Variants in DNA2 observed in about 807,000 individuals in gnomAD.
DNA2 encodes DNA replication ATP-dependent helicase/nuclease DNA2.
DNA2 carries 101 observed loss-of-function variants against 119.1 expected under a neutral mutation model. That is an observed-to-expected ratio of 0.85 (90% CI 0.72 to 1.00). The LOEUF is 1.00. Among genes scored for constraint, DNA2 ranks in the 50% least tolerant of loss-of-function variants. The pLI, the probability that DNA2 is intolerant of heterozygous loss-of-function variation, is 0.00. For synonymous variants in DNA2, 366 were observed against 424.4 expected, an observed-to-expected ratio of 0.86 and a Z score of 1.69; for missense variants, 1,121 against 1,255.5, an observed-to-expected ratio of 0.89 and a Z score of 1.62.
chr10:68,452,692 C>T (rs1406604567), intron 5 of DNA2, among the ~76,000 whole-genome samples: 2 of 151,370 alleles, frequency 1.3e-5, no homozygotes, highest in Non-Finnish European at 2.9e-5. Flanking sequence ...CCGCCTCAGC[C>T]TTTCAAGTAG....
At chr10:68,451,677 G>C (rs2052120116) in intron 5 of DNA2, among the ~76,000 whole-genome samples, 1 of 151,854 alleles carries the variant, frequency 6.6e-6, no homozygotes, top group Non-Finnish European at 1.5e-5. Flanking sequence ...CTAGTGGTTA[G>C]AATAGATTAT....
At chr10:68,434,480 C>T (rs1212146167) in intron 10 of DNA2, among the ~76,000 whole-genome samples, 1 of 148,870 alleles carries the variant, frequency 6.7e-6, no homozygotes, top group Non-Finnish European at 1.5e-5. Flanking sequence ...AGACCCCCCC[C>T]ATCTCTACAA....
rs778996759 is a variant in DNA2 at position 68,416,778 on chromosome 10, C to T, written c.3045G>A (p.Gly1015=). ...TRAKHKLILL[G]CVPSLNCYPP... Reference sequence around the variant, plus strand: ...GATAGCAATTTAGTGAGGGCACACACCCCAGAAGAATCAGTTTATGTTTGG... The same window carrying T: ...GATAGCAATTTAGTGAGGGCACACATCCCAGAAGAATCAGTTTATGTTTGG... The change falls in exon 20 of 21, where the codon GGG becomes GGA. Residue 1015 remains glycine (G), a synonymous_variant. Coordinates refer to ENST00000358410, the MANE Select transcript of DNA2 (RefSeq NM_001080449.3). 1.2e-6 allele frequency: 2 copies of T among 1,613,840 alleles called. No individual in the cohort carries two copies. Among genetic ancestry groups the T allele is most frequent in the Non-Finnish European group, 8.5e-7 (1 of 1,179,764 alleles).
At chr10:68,440,096 G>C (rs531357106) in intron 9 of DNA2, among the ~76,000 whole-genome samples, 36 of 151,990 alleles carry the variant, frequency 2.4e-4, no homozygotes, top group Non-Finnish European at 4.1e-4. Context: ...TTGAGGCCAG[G>C]AGTTCCAGAC....
rs114567011 is a variant in DNA2, at chr10:68,421,482, C to T, written c.2697+743G>A. Among the ~76,000 whole-genome samples the T allele has an allele frequency of 7.4e-3, 1,127 of 152,104 alleles. 15 individuals carry two copies. The highest frequency in any genetic ancestry group is 0.026 in the African/African-American group (1,085 of 41,502). ...AAGAAAGACTATTTTGGGCCGGGCA[C>T]AGTGGCTCACACTATAATCCCAGCA... On this transcript the variant is annotated intron_variant, in intron 17 of 20. Transcript: ENST00000358410.
At chr10:68,462,293 C>T (rs970709103) in intron 4 of DNA2, among the ~76,000 whole-genome samples, 7 of 151,960 alleles carry the variant, frequency 4.6e-5, no homozygotes, top group African/African-American at 1.7e-4. Flanking sequence ...AATTGATTGA[C>T]CCAGGAGGTG....
At chr10:68,463,210 C>T (rs954256806) in intron 4 of DNA2, among the ~76,000 whole-genome samples, 1 of 151,664 alleles carries the variant, frequency 6.6e-6, no homozygotes, top group African/African-American at 2.4e-5. Context: ...TTTGGGAGGC[C>T]GAAGCGGGTG....
At chr10:68,438,890 A>G (rs1314774364) in intron 9 of DNA2, among the ~76,000 whole-genome samples, 5 of 150,848 alleles carry the variant, frequency 3.3e-5, no homozygotes, top group Admixed American at 2.0e-4. Flanking sequence ...AAAATTAGCC[A>G]GGCATGGTGG....
At chr10:68,456,738 C>A (rs1236215982) in intron 5 of DNA2, among the ~76,000 whole-genome samples, 1 of 149,532 alleles carries the variant, frequency 6.7e-6, no homozygotes, top group African/African-American at 2.5e-5. Flanking sequence ...TTTTAGATCA[C>A]AAAATGTTAT....
At chr10:68,429,711 CAAAAAAAAAAAAA>C (rs1165329779) in intron 14 of DNA2, among the ~76,000 whole-genome samples, 38 of 40,436 alleles carry the variant, frequency 9.4e-4, no homozygotes, top group East Asian at 2.8e-3. Context: ...GACTCCATCT[CAAAAAAAAAAAAA>C]AAAAAAAGAA....
chr10:68,426,673 T>TA (rs377327975), intron 14 of DNA2, among the ~76,000 whole-genome samples: 10,576 of 150,252 alleles, frequency 0.07, 544 homozygotes, highest in African/African-American at 0.15. Flanking sequence ...CCGTCTCTAC[T>TA]AAAAAAATAC....
chr10:68,434,245 A>G (rs10998162), intron 10 of DNA2, among the ~76,000 whole-genome samples: 10,458 of 151,944 alleles, frequency 0.069, 525 homozygotes, highest in African/African-American at 0.14. Flanking sequence ...ACTGCACTCC[A>G]GCCTGGGCAA....
chr10:68,424,840 C>T, intron 14 of DNA2: 1 of 844,192 alleles, frequency 1.2e-6, no homozygotes, highest in South Asian at 1.3e-5. Context: ...AACAGCACAA[C>T]CGTCCACGTG....
chr10:68,453,026 G>A (rs770633356), intron 5 of DNA2, among the ~76,000 whole-genome samples: 10 of 151,290 alleles, frequency 6.6e-5, no homozygotes, highest in African/African-American at 1.7e-4. Flanking sequence ...TCAGGCTCCC[G>A]AGTAGCTGGG....
intron 3 of DNA2, 33 bp downstream of exon 3, chr10:68,468,090 C>T: frequency 6.9e-7 from 1 of 1,454,140 alleles, no homozygotes; most frequent in Non-Finnish European, 9.2e-7. Context: ...ACTCTCAGAC[C>T]CTGCAGAAAC....
chr10:68,467,136 C>T (rs1208244001), intron 3 of DNA2, among the ~76,000 whole-genome samples: 4 of 151,950 alleles, frequency 2.6e-5, no homozygotes, highest in East Asian at 1.9e-4. Context: ...TGTTTTGAGA[C>T]GGAGTCTCCC....
chr10:68,418,892 C>CA (rs2051628443), intron 19 of DNA2, 142 bp downstream of exon 19: 1 of 581,630 alleles, frequency 1.7e-6, no homozygotes, highest in South Asian at 2.6e-5. Flanking sequence ...AGGCTGGTCT[C>CA]AAACTCCTGA....
intron 4 of DNA2, among the ~76,000 whole-genome samples, chr10:68,465,292 C>A (rs959373047): frequency 1.3e-5 from 2 of 152,008 alleles, no homozygotes; most frequent in African/African-American, 4.8e-5. Context: ...GCTGGGATTA[C>A]AGGCGTGAGC....
At chr10:68,418,799 A>G (rs1036493616) in intron 19 of DNA2, among the ~76,000 whole-genome samples, 2 of 151,128 alleles carry the variant, frequency 1.3e-5, no homozygotes, top group African/African-American at 2.4e-5. Flanking sequence ...CAGCCTCCCA[A>G]GTAGCTGGGA....
Sources: gnomAD v4.1 joint callset for allele counts (sites outside exome capture counted in the v4.1 genomes callset) on GRCh38, gnomAD v4.1.1 for gene constraint, MANE v1.5 for transcripts, NCBI Gene and HGNC (gene_info 2026-07-23, HGNC 2026-07-21) for gene names.